The following ANO3 variants were observed in gnomAD, a reference collection of about 807,000 sequenced individuals.
ANO3 encodes anoctamin 3.
In ANO3, 99 loss-of-function variants were observed where a neutral mutation model predicts 144.8. That is an observed-to-expected ratio of 0.68 (90% CI 0.58 to 0.81). ANO3 has a LOEUF of 0.81. ANO3 is among the 30% of genes least tolerant of loss of function. ANO3 has a pLI of 0.00. For synonymous variants in ANO3, 414 were observed against 392.6 expected (o/e 1.05, Z -0.64); for missense variants, 905 against 1,202.2 (o/e 0.75, Z 3.66).
chr11:26,634,964 T>C lies in ANO3; in HGVS notation c.1986-49T>C, dbSNP rs773103208. The C allele has an allele frequency of 2.7e-6, 4 of 1,492,732 alleles. No homozygotes were observed. The East Asian group carries it at 6.8e-5, about 25-fold the overall frequency. 92.5% of individuals were successfully genotyped at this position (1,492,732 alleles called of 1,614,324 possible). On this transcript the variant is annotated intron_variant, in intron 19 of 26. Coordinates refer to ENST00000256737, the MANE Select transcript of ANO3 (RefSeq NM_031418.4). Reference sequence around the variant, plus strand: ...CGTTGTGATGCCTAAGTAGATGTTCTTCAGTGAACCCCACTTAAATGCTAA... The same window carrying C: ...CGTTGTGATGCCTAAGTAGATGTTCCTCAGTGAACCCCACTTAAATGCTAA...
At chr11:26,637,146 A>T (rs1485064647) in intron 20 of ANO3, among the ~76,000 whole-genome samples, 1 of 152,212 alleles carries the variant, frequency 6.6e-6, no homozygotes, top group African/African-American at 2.4e-5. Flanking sequence ...ATGTGAATGG[A>T]CAAACCCACA....
chr11:26,208,037 T>C (rs1471920011), intron 1 of ANO3: 1 of 152,190 alleles, frequency 6.6e-6, no homozygotes, highest in African/African-American at 2.4e-5. Flanking sequence ...CCCATTTTCT[T>C]ATTCATAGAT....
At chr11:26,235,645 A>G (rs2133806290) in intron 1 of ANO3, among the ~76,000 whole-genome samples, 1 of 151,032 alleles carries the variant, frequency 6.6e-6, no homozygotes, top group East Asian at 1.9e-4. Context: ...CTAAAGGTTC[A>G]ACAGTTTCTT....
chr11:26,205,936 G>A (rs1001996995), intron 1 of ANO3, among the ~76,000 whole-genome samples: 4 of 152,174 alleles, frequency 2.6e-5, no homozygotes, highest in African/African-American at 4.8e-5. Flanking sequence ...GAGACAGCAA[G>A]AAACATCGGC....
chr11:26,414,761 A>AG (rs1857530214), intron 1 of ANO3, among the ~76,000 whole-genome samples: 1 of 150,290 alleles, frequency 6.7e-6, no homozygotes, highest in African/African-American at 2.4e-5. Flanking sequence ...GTAAAGTTAA[A>AG]AAAAAAAAAA....
chr11:26,401,034 C>G (rs1195828271), intron 1 of ANO3, among the ~76,000 whole-genome samples: 1 of 151,942 alleles, frequency 6.6e-6, no homozygotes, highest in Non-Finnish European at 1.5e-5. Flanking sequence ...TGGCTAAAAA[C>G]CAAATTATCT....
At chr11:26,633,781 A>G (rs572185038) in intron 18 of ANO3, among the ~76,000 whole-genome samples, 16 of 152,220 alleles carry the variant, frequency 1.1e-4, no homozygotes, top group Non-Finnish European at 1.9e-4. Flanking sequence ...TGCCTCATAG[A>G]ACTAAAAAAC....
At chr11:26,481,090 C>T (rs570091027) in intron 4 of ANO3, among the ~76,000 whole-genome samples, 1 of 151,832 alleles carries the variant, frequency 6.6e-6, no homozygotes, top group Admixed American at 6.6e-5. Context: ...AGTACCAGCA[C>T]ATAGTAATTG....
At chr11:26,390,622 C>T (rs559173507) in intron 1 of ANO3, among the ~76,000 whole-genome samples, 1 of 151,976 alleles carries the variant, frequency 6.6e-6, no homozygotes, top group Non-Finnish European at 1.5e-5. Flanking sequence ...ATATGAACTT[C>T]ATAATGTAAG....
chr11:26,598,950 A>G lies in ANO3; in HGVS notation c.1623A>G (p.Ser541=). 1.9e-6 allele frequency: 3 copies of G among 1,614,082 alleles called. No individual in the cohort carries two copies. The highest frequency in any genetic ancestry group is 2.5e-6 in the Non-Finnish European group (3 of 1,179,964). ...TGKPEPHQPS[S]DKVTRLLVSV... ...AACCTGAACCACATCAGCCTTCCTC[A>G]GACAAAGTCACTCGTCTTCTTGTTT... Residue 541 remains serine (S), a synonymous_variant, in exon 16 of 27, where the codon TCA becomes TCG. Coordinates refer to ENST00000256737, the MANE Select transcript of ANO3 (RefSeq NM_031418.4).
At chr11:26,590,392 C>A (rs1851409755) in intron 14 of ANO3, among the ~76,000 whole-genome samples, 1 of 152,128 alleles carries the variant, frequency 6.6e-6, no homozygotes, top group Admixed American at 6.5e-5. Flanking sequence ...AGTTGTTTGC[C>A]ACACACAGGC....
chr11:26,587,737 G>T (rs1171848202), intron 14 of ANO3, among the ~76,000 whole-genome samples: 2 of 152,070 alleles, frequency 1.3e-5, no homozygotes, highest in African/African-American at 4.8e-5. Context: ...CAGGAGGATT[G>T]CCTGAGCTCA....
At chr11:26,636,512 T>C (rs1282711025) in intron 20 of ANO3, among the ~76,000 whole-genome samples, 1 of 152,250 alleles carries the variant, frequency 6.6e-6, no homozygotes, top group East Asian at 1.9e-4. Flanking sequence ...CTAAGTGCTC[T>C]CTGTATATTA....
chr11:26,438,792 AAATCAATC>A (rs1386963919), intron 1 of ANO3, among the ~76,000 whole-genome samples: 2 of 151,634 alleles, frequency 1.3e-5, no homozygotes, highest in Non-Finnish European at 2.9e-5. Context: ...AAAAAAAAAA[AAATCAATC>A]ATAGCTGCCT....
At chr11:26,441,005 T>C (rs1858489087) in intron 1 of ANO3, among the ~76,000 whole-genome samples, 1 of 151,818 alleles carries the variant, frequency 6.6e-6, no homozygotes, top group Non-Finnish European at 1.5e-5. Flanking sequence ...CTAGTTTGGT[T>C]GAAGGGCATT....
intron 1 of ANO3, among the ~76,000 whole-genome samples, chr11:26,425,840 G>A (rs985214137): frequency 7.9e-5 from 12 of 152,038 alleles, no homozygotes; most frequent in African/African-American, 1.9e-4. Flanking sequence ...TTATTTCAGC[G>A]TCTGTGTACT....
intron 1 of ANO3, among the ~76,000 whole-genome samples, chr11:26,197,658 G>C (rs1444791146): frequency 6.6e-6 from 1 of 151,906 alleles, no homozygotes; most frequent in African/African-American, 2.4e-5. Context: ...GCCTAATATA[G>C]TTTAATTTCA....
chr11:26,610,869 C>T (rs1852080180), intron 17 of ANO3, among the ~76,000 whole-genome samples: 1 of 151,958 alleles, frequency 6.6e-6, no homozygotes, highest in Non-Finnish European at 1.5e-5. Context: ...ATCTTGGTAA[C>T]TTGTATTTGT....
At chr11:26,641,079 C>G (rs1307723355) in intron 21 of ANO3, among the ~76,000 whole-genome samples, 1 of 152,084 alleles carries the variant, frequency 6.6e-6, no homozygotes, top group East Asian at 1.9e-4. Flanking sequence ...TCACTGACCT[C>G]TTAAATAATT....
Sources: gnomAD v4.1 joint callset for allele counts (sites outside exome capture counted in the v4.1 genomes callset) on GRCh38, gnomAD v4.1.1 for gene constraint, MANE v1.5 for transcripts, NCBI Gene and HGNC (gene_info 2026-07-23, HGNC 2026-07-21) for gene names.